WWTR1: variants seen among roughly 807,000 people sequenced by gnomAD.
WWTR1 encodes the protein WW domain-containing transcription regulator protein 1.
In WWTR1, 13 loss-of-function variants were observed where a neutral mutation model predicts 40.1. That is an observed-to-expected ratio of 0.32 (90% CI 0.21 to 0.52). The LOEUF is 0.52. Among genes scored for constraint, WWTR1 ranks in the 20% least tolerant of loss-of-function variants. The probability of loss-of-function intolerance (pLI) is 0.97; values close to 1 mark genes in which losing one functional copy is unlikely to be tolerated. For synonymous variants in WWTR1, 230 were observed against 210.1 expected, an observed-to-expected ratio of 1.09 and a Z score of -0.82; for missense variants, 436 against 523.1, an observed-to-expected ratio of 0.83 and a Z score of 1.63.
Position 149,663,283 on chromosome 3 carries a change from G to A in WWTR1, c.-3-5974C>T, listed in dbSNP as rs778125054. On this transcript the variant is annotated intron_variant, in intron 2 of 7. Coordinates refer to the WWTR1 transcript ENST00000465804. ...TCCACCCACCTCAGCCTCCCAAAGT[G>A]CTGGGATTACAGATGTGAGCCACCA... Among the ~76,000 whole-genome samples, 78 of 151,978 alleles carry A rather than the reference G, an allele frequency of 5.1e-4. 1 individual carries two copies. Among genetic ancestry groups the A allele is most frequent in the Middle Eastern group, 6.3e-3 (2 of 316 alleles).
intron 1 of WWTR1, among the ~76,000 whole-genome samples, chr3:149,678,125 T>C (rs1301786726): frequency 6.6e-6 from 1 of 152,172 alleles, no homozygotes; most frequent in East Asian, 1.9e-4. Flanking sequence ...CATTGGCAAA[T>C]GTAATGGTGC....
intron 2 of WWTR1, among the ~76,000 whole-genome samples, chr3:149,655,210 C>T (rs960921175): frequency 4.0e-5 from 6 of 151,696 alleles, no homozygotes; most frequent in East Asian, 2.0e-4. Context: ...TTTAGGAGGC[C>T]GAGGCAGGCA....
At chr3:149,576,088 T>G (rs1316066776) in intron 2 of WWTR1, 4 of 456,592 alleles carry the variant, frequency 8.8e-6, no homozygotes, top group African/African-American at 8.0e-5. Flanking sequence ...TGAGCAGTTC[T>G]CATTGCTCCA....
At chr3:149,647,710 G>T (rs933442008) in intron 2 of WWTR1, among the ~76,000 whole-genome samples, 1 of 152,184 alleles carries the variant, frequency 6.6e-6, no homozygotes, top group African/African-American at 2.4e-5. Flanking sequence ...AAGATAAAAA[G>T]ACCATAATTT....
chr3:149,630,926 C>A (rs957238991), intron 2 of WWTR1, among the ~76,000 whole-genome samples: 4 of 152,194 alleles, frequency 2.6e-5, no homozygotes, highest in African/African-American at 9.7e-5. Context: ...GGTTCACAAT[C>A]TAATGATGGA....
chr3:149,615,248 T>C (rs1373899163), intron 2 of WWTR1, among the ~76,000 whole-genome samples: 1 of 152,234 alleles, frequency 6.6e-6, no homozygotes, highest in Non-Finnish European at 1.5e-5. Context: ...AAAATTGCAT[T>C]CAAAACACTG....
Position 149,520,692 on chromosome 3 carries a change from G to C in WWTR1, c.*113C>G. ...TGGCAACATAAAAAGGAGGGAGCAC[G>C]AGTCATGGAGGCGGGAAGTGGTGCA... On this transcript the variant is annotated 3_prime_UTR_variant, in exon 7 of 7. Transcript: ENST00000360632. 1 of 982,882 alleles carries C rather than the reference G, an allele frequency of 1.0e-6. No homozygotes were observed. The highest frequency in any genetic ancestry group is 1.4e-6 in the Non-Finnish European group (1 of 707,394). The allele number at this position is 982,882 out of a possible 1,614,324, so 60.9% of individuals were successfully genotyped here. A position where few individuals can be genotyped will look rare whatever the true frequency, so the allele number is the denominator to read the frequency against.
At chr3:149,707,922 C>G (rs1715371605), upstream of WWTR1, among the ~76,000 whole-genome samples, 1 of 150,500 alleles carries the variant, frequency 6.6e-6, no homozygotes, top group African/African-American at 2.4e-5. Flanking sequence ...GTATGGCCAA[C>G]AGTATGGTAT....
intron 4 of WWTR1, among the ~76,000 whole-genome samples, chr3:149,535,013 C>G (rs970211943): frequency 6.6e-6 from 1 of 152,144 alleles, no homozygotes; most frequent in East Asian, 1.9e-4. Flanking sequence ...AGAAAGTAAA[C>G]GGCAGCTGAA....
At chr3:149,710,117 A>G (rs1251675930) in intron 5 of WWTR1, among the ~76,000 whole-genome samples, 1 of 152,112 alleles carries the variant, frequency 6.6e-6, no homozygotes, top group African/African-American at 2.4e-5. Context: ...TCAAGGCCCC[A>G]ACTGTACTGG....
chr3:149,535,623 T>C (rs1735792969), intron 4 of WWTR1, among the ~76,000 whole-genome samples: 1 of 152,056 alleles, frequency 6.6e-6, no homozygotes, highest in African/African-American at 2.4e-5. Context: ...TAAAGCAAAT[T>C]TGTATTATTC....
intron 2 of WWTR1, among the ~76,000 whole-genome samples, chr3:149,639,759 C>T (rs939872167): frequency 6.6e-5 from 10 of 151,904 alleles, no homozygotes; most frequent in Non-Finnish European, 2.9e-5. Context: ...TTTGGGAGGC[C>T]GAGGTGGGTG....
At position 149,657,214 on chromosome 3, in the gene WWTR1, G is replaced by C. The variant is rs752917747; in HGVS notation, c.93C>G (p.Leu31=). 8 of 1,612,486 alleles carry C rather than the reference G, an allele frequency of 5.0e-6. No homozygotes were observed. Among genetic ancestry groups the C allele is most frequent in the Admixed American group, 1.7e-5 (1 of 59,832 alleles). ...TQDLDTDLEA[L]FNSVMNPKPS... is the part of the protein sequence containing the mutation. The stretch of plus-strand genomic sequence containing the variant: ...GCTTCGGATTCATGACAGAGTTGAA[G>C]AGGGCTTCGAGGTCTGTGTCTAGGT... Residue 31 remains leucine, a synonymous_variant, in exon 2 of 7, where the codon CTC becomes CTG. Coordinates refer to ENST00000360632, the MANE Select transcript of WWTR1 (RefSeq NM_015472.6).
At chr3:149,681,164 G>C (rs1714449610) in intron 1 of WWTR1, among the ~76,000 whole-genome samples, 1 of 152,246 alleles carries the variant, frequency 6.6e-6, no homozygotes, top group Non-Finnish European at 1.5e-5. Flanking sequence ...TCTAACTTCG[G>C]GTTGTCAATC....
At chr3:149,579,148 T>G (rs1257848236) in intron 2 of WWTR1, among the ~76,000 whole-genome samples, 15 of 152,252 alleles carry the variant, frequency 9.9e-5, no homozygotes, top group Non-Finnish European at 1.9e-4. Context: ...GCAAAGATTT[T>G]GTCTTCAAAC....
upstream of WWTR1, among the ~76,000 whole-genome samples, chr3:149,705,145 A>G (rs892767880): frequency 8.5e-5 from 13 of 152,170 alleles, no homozygotes; most frequent in East Asian, 2.3e-3. Flanking sequence ...GAAAGAAAAA[A>G]CAATCAGAGG....
intron 2 of WWTR1, among the ~76,000 whole-genome samples, chr3:149,610,672 G>A (rs906660506): frequency 3.9e-5 from 6 of 152,208 alleles, no homozygotes; most frequent in Admixed American, 6.5e-5. Flanking sequence ...GAGGCAGGAC[G>A]CCAGAAGGCT....
chr3:149,663,047 T>G (rs1268483980), intron 2 of WWTR1, among the ~76,000 whole-genome samples: 2 of 152,146 alleles, frequency 1.3e-5, no homozygotes, highest in Non-Finnish European at 2.9e-5. Flanking sequence ...TTGTCTTGTT[T>G]TTTCAGACAG....
intron 2 of WWTR1, among the ~76,000 whole-genome samples, chr3:149,592,109 C>T (rs1392255603): frequency 6.6e-6 from 1 of 152,074 alleles, no homozygotes; most frequent in Non-Finnish European, 1.5e-5. Context: ...AAGATAATCC[C>T]CCTCACCCCT....
Sources: allele counts gnomAD v4.1 joint callset (sites outside exome capture counted in the v4.1 genomes callset), GRCh38; gene constraint gnomAD v4.1.1; transcripts MANE v1.5; gene names NCBI Gene and HGNC (gene_info 2026-07-23, HGNC 2026-07-21).